The following SNX6 variants were observed in gnomAD, a reference collection of about 807,000 sequenced individuals.
SNX6 encodes sorting nexin-6.
Under a neutral mutation model 63.0 loss-of-function variants are expected in SNX6, and 34 were observed. That is an observed-to-expected ratio of 0.54 (90% CI 0.41 to 0.72). SNX6 has a LOEUF of 0.72. Ranked by LOEUF, SNX6 falls within the 30% of genes least tolerant of loss-of-function variation. SNX6 has a pLI of 0.00. For synonymous variants in SNX6, 170 were observed against 164.2 expected, an observed-to-expected ratio of 1.04 and a Z score of -0.27; for missense variants, 398 against 471.4, an observed-to-expected ratio of 0.84 and a Z score of 1.44.
intron 7 of SNX6, among the ~76,000 whole-genome samples, chr14:34,596,632 A>AG (rs1555326662): frequency 2.0e-5 from 3 of 150,592 alleles, no homozygotes; most frequent in South Asian, 2.1e-4. Context: ...AAAAAAAAAA[A>AG]AGAGAGAGAG....
At position 34,609,664 on chromosome 14, in the gene SNX6, T is replaced by G; in HGVS notation, c.133A>C (p.Lys45Gln). ...DISDALSERD[K>Q]VKFTVHTKSS... The stretch of plus-strand genomic sequence containing the variant: ...TTTGTGTGAACAGTGAATTTTACTT[T>G]ATCCCGCTCACTAAGAGCATCAGAA... The change falls in exon 3 of 14, where the codon AAA becomes CAA. Residue 45 changes from lysine (K) to glutamine (Q), a missense_variant. By Grantham distance (53) the Lys-to-Gln change is moderately conservative. Coordinates refer to ENST00000362031, the MANE Select transcript of SNX6 (RefSeq NM_152233.4). 2 of 1,611,372 alleles carry G rather than the reference T, an allele frequency of 1.2e-6. No homozygotes were observed. The highest frequency in any genetic ancestry group is 2.2e-5 in the South Asian group (2 of 90,792).
In SNX6 at chr14:34,608,115, TTTTG is replaced by T. The variant is rs1278134751; in HGVS notation, c.181_184del (p.Gln61ThrfsTer56). On this transcript the variant is annotated frameshift_variant, in exon 4 of 14. Transcript: ENST00000362031. LOFTEE classifies it high-confidence loss of function. ...ATGTTGCCGAACAACTGAAAACTCG[TTTTG>T]TTTAAAATTTGGCAATGAACTCTGT... The T allele has an allele frequency of 6.2e-7, 1 of 1,606,416 alleles. No individual in the cohort carries two copies.
chr14:34,580,349 C>T (rs1484004630), intron 10 of SNX6, among the ~76,000 whole-genome samples: 1 of 152,024 alleles, frequency 6.6e-6, no homozygotes, highest in Non-Finnish European at 1.5e-5. Flanking sequence ...GTCACCCAGG[C>T]TGGAGTACAC....
Position 34,567,704 on chromosome 14 carries a change from T to C in SNX6, c.1149A>G (p.Leu383=), listed in dbSNP as rs1881249076. The C allele has an allele frequency of 6.2e-7, 1 of 1,613,384 alleles. No homozygotes were observed. Among genetic ancestry groups the C allele is most frequent in the South Asian group, 1.1e-5 (1 of 91,068 alleles). The change falls in exon 13 of 14, where the codon TTA becomes TTG. Residue 383 remains leucine, a synonymous_variant. Coordinates refer to ENST00000362031, the MANE Select transcript of SNX6 (RefSeq NM_152233.4). ...ACACTACCTTTGCATGCTTCAGTTC[T>C]AACTCTGCCAGTTCCACTAAATTTT... is the stretch of plus-strand genomic sequence containing the variant. ...FRKNLVELAE[L]ELKHAKGNLQ... is the part of the protein sequence containing the mutation.
intron 11 of SNX6, 35 bp from the exon 12 acceptor site, chr14:34,568,048 C>A (rs199807355): frequency 8.6e-5 from 136 of 1,580,668 alleles, no homozygotes; most frequent in Middle Eastern, 2.3e-4. Flanking sequence ...AGTATATATA[C>A]TGCATGTTTC....
At chr14:34,629,991 G>A (rs1883981606) in intron 1 of SNX6, 37 bp from the exon 2 acceptor site, 1 of 1,526,962 alleles carries the variant, frequency 6.5e-7, no homozygotes, top group Non-Finnish European at 8.8e-7. Context: ...CGGGGAAAAG[G>A]ATGAGATGGG....
At chr14:34,591,831 G>A (rs1882404589) in intron 8 of SNX6, among the ~76,000 whole-genome samples, 1 of 70,096 alleles carries the variant, frequency 1.4e-5, no homozygotes, top group Admixed American at 1.6e-4. Context: ...GAAAACATTT[G>A]CCAAATATTC....
At chr14:34,594,143 T>G (rs1882509348) in intron 7 of SNX6, among the ~76,000 whole-genome samples, 1 of 152,144 alleles carries the variant, frequency 6.6e-6, no homozygotes, top group Non-Finnish European at 1.5e-5. Context: ...AAGAAAACAG[T>G]TCTGGTGGAC....
intron 3 of SNX6, 37 bp from the exon 4 acceptor site, chr14:34,608,177 T>C: frequency 7.8e-7 from 1 of 1,289,140 alleles, no homozygotes; most frequent in Non-Finnish European, 1.1e-6. Context: ...AAAAATCAAA[T>C]TTACACTAAA....
intron 11 of SNX6, chr14:34,568,634 G>GTTT (rs376954552): frequency 6.4e-4 from 400 of 624,932 alleles, no homozygotes; most frequent in African/African-American, 2.2e-3. Flanking sequence ...CACTCAGCCT[G>GTTT]TTTTTTTTTT....
intron 6 of SNX6, among the ~76,000 whole-genome samples, chr14:34,600,788 A>G (rs973815113): frequency 6.6e-6 from 1 of 152,140 alleles, no homozygotes; most frequent in Non-Finnish European, 1.5e-5. Context: ...CTGTAATCCC[A>G]GCACCTTGGG....
intron 2 of SNX6, among the ~76,000 whole-genome samples, chr14:34,618,553 C>T (rs922872190): frequency 6.6e-6 from 1 of 152,106 alleles, no homozygotes; most frequent in African/African-American, 2.4e-5. Context: ...GTTTCACCAT[C>T]TTGGCCAGGC....
intron 6 of SNX6, among the ~76,000 whole-genome samples, chr14:34,598,366 T>C (rs1444544863): frequency 6.6e-6 from 1 of 152,178 alleles, no homozygotes; most frequent in African/African-American, 2.4e-5. Flanking sequence ...GGTCTGAATG[T>C]ATGTGTCCCC....
intron 10 of SNX6, among the ~76,000 whole-genome samples, 182 bp downstream of exon 10, chr14:34,581,379 C>T (rs1177048807): frequency 6.6e-6 from 1 of 152,162 alleles, no homozygotes; most frequent in Non-Finnish European, 1.5e-5. Context: ...GTCTTGATCT[C>T]GTGACCTCGT....
Position 34,613,762 on chromosome 14 carries a change from C to T in SNX6, c.55-4020G>A, listed in dbSNP as rs554970519. On this transcript the variant is annotated intron_variant, in intron 2 of 13. Transcript: ENST00000362031. ...GAGCCAAGATAGCGCCACTGCACTC[C>T]AGCCTGGGCAAGAGCGAGACTCCAT... Among the ~76,000 whole-genome samples the T allele has an allele frequency of 2.6e-5, 4 of 152,090 alleles. No homozygotes were observed. The South Asian group carries it at 8.3e-4, about 32-fold the overall frequency.
intron 11 of SNX6, 65 bp from the exon 12 acceptor site, chr14:34,568,078 C>G: frequency 7.6e-7 from 1 of 1,313,138 alleles, no homozygotes; most frequent in Non-Finnish European, 1.1e-6. Flanking sequence ...CACCCAGCCA[C>G]CACTGTCACC....
intron 10 of SNX6, among the ~76,000 whole-genome samples, chr14:34,576,721 T>G (rs1210787816): frequency 6.6e-6 from 1 of 151,810 alleles, no homozygotes; most frequent in African/African-American, 2.4e-5. Flanking sequence ...AGTGCTGGGA[T>G]TACAGGTGTG....
chr14:34,610,836 A>G (rs962236140), intron 2 of SNX6, among the ~76,000 whole-genome samples: 9 of 152,192 alleles, frequency 5.9e-5, no homozygotes, highest in African/African-American at 2.2e-4. Context: ...GACTGTTTCA[A>G]AGACAGTACT....
At chr14:34,617,358 G>A (rs1380650608) in intron 2 of SNX6, among the ~76,000 whole-genome samples, 1 of 152,114 alleles carries the variant, frequency 6.6e-6, no homozygotes, top group East Asian at 1.9e-4. Flanking sequence ...CTTAGTAAAA[G>A]GCTGGGCACA....
Sources: gnomAD v4.1 joint callset for allele counts (sites outside exome capture counted in the v4.1 genomes callset) on GRCh38, gnomAD v4.1.1 for gene constraint, MANE v1.5 for transcripts, NCBI Gene and HGNC (gene_info 2026-07-23, HGNC 2026-07-21) for gene names.